HYDIN: variants seen among roughly 807,000 people sequenced by gnomAD.
The protein encoded by HYDIN is axonemal central pair apparatus protein HYDIN.
Under a neutral mutation model 403.9 loss-of-function variants are expected in HYDIN, and 132 were observed. The ratio of observed to expected loss-of-function variants is 0.33; its 90% CI spans 0.28 to 0.38. HYDIN has a LOEUF of 0.38. Among genes scored for constraint, HYDIN ranks in the 10% least tolerant of loss-of-function variants. The pLI is 1.00. For missense variants in HYDIN, 2,827 were observed against 5,009.5 expected, an observed-to-expected ratio of 0.56 and a Z score of 13.15; for synonymous variants, 1,202 against 1,891.7, an observed-to-expected ratio of 0.64 and a Z score of 9.46.
intron 5 of HYDIN, among the ~76,000 whole-genome samples, chr16:71,175,226 C>T (rs550113520): frequency 4.0e-5 from 6 of 151,766 alleles, no homozygotes; most frequent in African/African-American, 1.5e-4. Context: ...ACCAACTACA[C>T]TACCATACTA....
chr16:70,833,130 C>A, intron 79 of HYDIN, 63 bp from the exon 80 acceptor site: 3 of 1,427,558 alleles, frequency 2.1e-6, no homozygotes, highest in Non-Finnish European at 2.8e-6. Flanking sequence ...GTCCTCAATG[C>A]TACTGAGAAC....
intron 23 of HYDIN, among the ~76,000 whole-genome samples, chr16:71,003,815 C>A (rs538886779): frequency 6.6e-6 from 1 of 151,188 alleles, no homozygotes; most frequent in African/African-American, 2.4e-5. Flanking sequence ...AAAAAAAATG[C>A]AATTGAATTT....
intron 15 of HYDIN, among the ~76,000 whole-genome samples, chr16:71,065,402 G>A (rs1444263827): frequency 6.6e-6 from 1 of 152,054 alleles, no homozygotes; most frequent in African/African-American, 2.4e-5. Flanking sequence ...GGGGTGAGGT[G>A]GGGGGAGAGG....
At chr16:71,182,160 A>C (rs1454445009) in intron 3 of HYDIN, among the ~76,000 whole-genome samples, 1 of 152,180 alleles carries the variant, frequency 6.6e-6, no homozygotes, top group Non-Finnish European at 1.5e-5. Context: ...GAAGAGTAGA[A>C]GGCAAAGAGG....
chr16:70,924,854 T>C (rs554518247), intron 45 of HYDIN, among the ~76,000 whole-genome samples: 95 of 107,954 alleles, frequency 8.8e-4, no homozygotes, highest in Middle Eastern at 4.0e-3. Flanking sequence ...TAATAAACGC[T>C]GGGCCTAACA....
intron 53 of HYDIN, among the ~76,000 whole-genome samples, chr16:70,897,652 G>T (rs1383242234): frequency 6.8e-6 from 1 of 147,366 alleles, no homozygotes; most frequent in Non-Finnish European, 1.5e-5. Flanking sequence ...TTGAATTGAG[G>T]AAAATAGGAA....
At chr16:70,820,175 T>G (rs1433605308) in intron 83 of HYDIN, among the ~76,000 whole-genome samples, 11 of 146,960 alleles carry the variant, frequency 7.5e-5, no homozygotes, top group Non-Finnish European at 1.6e-4. Context: ...AAGTGATTTT[T>G]TTTTCTTTTT....
intron 1 of HYDIN, among the ~76,000 whole-genome samples, chr16:71,220,053 A>G (rs2089118487): frequency 6.6e-6 from 1 of 152,200 alleles, no homozygotes; most frequent in African/African-American, 2.4e-5. Flanking sequence ...TGGAAATCTG[A>G]TGATGGCTAT....
At chr16:70,925,715 A>T (rs1318106319) in intron 45 of HYDIN, among the ~76,000 whole-genome samples, 1 of 150,990 alleles carries the variant, frequency 6.6e-6, no homozygotes, top group African/African-American at 2.4e-5. Context: ...TACTCATCTG[A>T]CAAAGGGCTA....
intron 83 of HYDIN, among the ~76,000 whole-genome samples, chr16:70,818,933 G>A (rs117081561): frequency 3.5e-4 from 53 of 151,948 alleles, no homozygotes; most frequent in African/African-American, 1.0e-3. Flanking sequence ...TCTTTCTTTC[G>A]AGAAGGAGTC....
intron 39 of HYDIN, among the ~76,000 whole-genome samples, 167 bp from the exon 40 acceptor site, chr16:70,955,715 C>T (rs907841777): frequency 6.6e-5 from 10 of 152,108 alleles, no homozygotes; most frequent in East Asian, 3.9e-4. Context: ...AGACCTCAGC[C>T]TGGAGTCAGG....
At chr16:71,006,553 C>T (rs2079893269) in intron 23 of HYDIN, among the ~76,000 whole-genome samples, 1 of 152,092 alleles carries the variant, frequency 6.6e-6, no homozygotes, top group Non-Finnish European at 1.5e-5. Context: ...GAATCAGGAA[C>T]CACTGGCTAT....
At chr16:71,018,655 A>G (rs964560046) in intron 22 of HYDIN, among the ~76,000 whole-genome samples, 6 of 151,112 alleles carry the variant, frequency 4.0e-5, no homozygotes, top group African/African-American at 1.5e-4. Context: ...AGTACATCTA[A>G]GTATAGACAC....
chr16:70,965,887 T>A (rs1481582906), intron 36 of HYDIN, among the ~76,000 whole-genome samples: 2 of 152,090 alleles, frequency 1.3e-5, no homozygotes, highest in Non-Finnish European at 2.9e-5. Flanking sequence ...GCTGTAGTAA[T>A]AGACAGAGTG....
At chr16:70,931,019 A>C in intron 45 of HYDIN, among the ~76,000 whole-genome samples, 1 of 152,184 alleles carries the variant, frequency 6.6e-6, no homozygotes, top group Non-Finnish European at 1.5e-5. Context: ...AACTATGATC[A>C]GTAAGGCAGA....
intron 1 of HYDIN, among the ~76,000 whole-genome samples, chr16:71,225,819 A>G (rs992145121): frequency 6.6e-6 from 1 of 152,260 alleles, no homozygotes; most frequent in Non-Finnish European, 1.5e-5. Flanking sequence ...TATCATATAC[A>G]ATAGCATCAA....
intron 36 of HYDIN, among the ~76,000 whole-genome samples, chr16:70,969,452 G>T (rs1232230911): frequency 9.2e-5 from 14 of 151,946 alleles, no homozygotes; most frequent in Non-Finnish European, 1.6e-4. Flanking sequence ...TTTCTCATTA[G>T]ACCATGGAGG....
intron 1 of HYDIN, among the ~76,000 whole-genome samples, chr16:71,224,900 T>C (rs529364838): frequency 4.3e-4 from 65 of 152,284 alleles, no homozygotes; most frequent in African/African-American, 1.5e-3. Context: ...AGAACTAAAA[T>C]TTCAGAAGGG....
chr16:71,175,622 A>G lies in HYDIN; in HGVS notation c.501T>C (p.Thr167=). ...CTGGTATTACCTTGTTCTCCTCTGG[A>G]GTAAAGAGGATTCGGAATATGGAAG... ...GVPSIFRILF[T]PEENKDYAHT... The change falls in exon 5 of 86, where the codon ACT becomes ACC. Residue 167 remains threonine, a synonymous_variant. Transcript: ENST00000393567. The G allele has an allele frequency of 1.9e-6, 3 of 1,614,144 alleles. No individual in the cohort carries two copies. The highest frequency in any genetic ancestry group is 2.5e-6 in the Non-Finnish European group (3 of 1,179,980).
Sources: allele counts gnomAD v4.1 joint callset (sites outside exome capture counted in the v4.1 genomes callset), GRCh38; gene constraint gnomAD v4.1.1; transcripts MANE v1.5; gene names NCBI Gene and HGNC (gene_info 2026-07-23, HGNC 2026-07-21).